Variants in PCDHGA1 observed in about 807,000 individuals in gnomAD.
PCDHGA1 encodes the protein protocadherin gamma subfamily A, 1, also known as protocadherin gamma-A1.
PCDHGA1 carries 32 observed loss-of-function variants against 58.0 expected under a neutral mutation model. That is an observed-to-expected ratio of 0.55 (90% CI 0.42 to 0.74). The LOEUF (loss-of-function observed/expected upper bound fraction) is 0.74. Ranked by LOEUF, PCDHGA1 falls within the 30% of genes least tolerant of loss-of-function variation. The pLI is 0.00. For missense variants in PCDHGA1, 1,205 were observed against 1,182.3 expected, an observed-to-expected ratio of 1.02 and a Z score of -0.28; for synonymous variants, 498 against 501.1, an observed-to-expected ratio of 0.99 and a Z score of 0.08.
chr5:141,414,855 C>G, intron 1 of PCDHGA1: 1 of 1,614,238 alleles, frequency 6.2e-7, no homozygotes, highest in South Asian at 1.1e-5. Flanking sequence ...TGGACCAGAA[C>G]GACAATGCGC....
chr5:141,398,135 G>C, intron 1 of PCDHGA1: 1 of 1,556,792 alleles, frequency 6.4e-7, no homozygotes, highest in Non-Finnish European at 8.6e-7. Context: ...GGGATGGGGA[G>C]CGGCGCCGGG....
At chr5:141,462,039 T>A (rs569871892) in intron 1 of PCDHGA1, among the ~76,000 whole-genome samples, 1 of 152,276 alleles carries the variant, frequency 6.6e-6, no homozygotes, top group Non-Finnish European at 1.5e-5. Flanking sequence ...GTCAGGCGGG[T>A]CTTGAACTCC....
intron 1 of PCDHGA1, chr5:141,345,756 G>T: frequency 1.9e-6 from 3 of 1,614,198 alleles, no homozygotes; most frequent in Non-Finnish European, 2.5e-6. Context: ...TTCCACTGGC[G>T]TGGAGCTGGC....
intron 1 of PCDHGA1, among the ~76,000 whole-genome samples, chr5:141,436,150 T>A (rs1270913305): frequency 6.6e-6 from 1 of 152,182 alleles, no homozygotes; most frequent in African/African-American, 2.4e-5. Flanking sequence ...ACTACCAAAA[T>A]GTTTATCATA....
At chr5:141,457,062 T>C (rs1168687034) in intron 1 of PCDHGA1, among the ~76,000 whole-genome samples, 1 of 152,232 alleles carries the variant, frequency 6.6e-6, no homozygotes, top group Non-Finnish European at 1.5e-5. Context: ...GCTTCCTTTT[T>C]GCCAGTAACT....
chr5:141,365,268 G>A (rs1329659479), intron 1 of PCDHGA1: 2 of 1,613,874 alleles, frequency 1.2e-6, no homozygotes, highest in Non-Finnish European at 1.7e-6. Flanking sequence ...GAAGAATCCA[G>A]ATTCTACCTC....
At chr5:141,350,088 T>G in intron 1 of PCDHGA1, 1 of 449,052 alleles carries the variant, frequency 2.2e-6, no homozygotes, top group East Asian at 3.4e-5. Flanking sequence ...TGCAGGAGCG[T>G]CAGGCAGGGT....
chr5:141,507,915 G>A (rs1324577269), intron 3 of PCDHGA1, among the ~76,000 whole-genome samples: 2 of 152,224 alleles, frequency 1.3e-5, no homozygotes, highest in African/African-American at 4.8e-5. Flanking sequence ...AGCCAGGCCT[G>A]TGGGGCTGCT....
intron 1 of PCDHGA1, chr5:141,418,643 C>A (rs188546091): frequency 2.9e-5 from 46 of 1,614,022 alleles, no homozygotes; most frequent in Admixed American, 6.7e-5. Context: ...CACCTCCATC[C>A]TGAGAGTGAA....
chr5:141,506,280 C>CT (rs1455257972), intron 3 of PCDHGA1, among the ~76,000 whole-genome samples: 1 of 152,024 alleles, frequency 6.6e-6, no homozygotes, highest in Non-Finnish European at 1.5e-5. Flanking sequence ...GAAACCCTGT[C>CT]TCTACTAAAA....
chr5:141,347,515 C>A, intron 1 of PCDHGA1, among the ~76,000 whole-genome samples: 1 of 151,990 alleles, frequency 6.6e-6, no homozygotes, highest in East Asian at 1.9e-4. Flanking sequence ...AGGCTGGGTG[C>A]AGTGGCTCAT....
In PCDHGA1 at chr5:141,502,866, C is replaced by CT. The variant is rs549047197; in HGVS notation, c.2481-2513dup. ...GAGCTGCCTAACCCTGACTCTCTGT[C>CT]TTTTTTTTTTTTTTGACAGGGAGTC... On this transcript the variant is annotated intron_variant, in intron 2 of 3. Transcript: ENST00000517417. Among the ~76,000 whole-genome samples, 1,216 of 127,988 alleles carry CT rather than the reference C, an allele frequency of 9.5e-3. 34 individuals are homozygous for CT. Among genetic ancestry groups the CT allele is most frequent in the Non-Finnish European group, 0.015 (955 of 62,394 alleles). The allele number at this position is 127,988 out of a possible 152,430, so 84.0% of individuals were successfully genotyped here.
At position 141,493,666 on chromosome 5, in the gene PCDHGA1, C is replaced by T. The variant is rs1475584876; in HGVS notation, c.2422-1141C>T. On this transcript the variant is annotated intron_variant, in intron 1 of 3. Transcript: ENST00000517417. The surrounding 1 kb of genome is among the most constrained non-coding windows in gnomAD (Gnocchi z 4.3). ...GCCATCCCTGTGCCCTTCTCCATGG[C>T]AGCCCCAGAATGGTGCTGGTGACTC... 6.6e-6 allele frequency among the ~76,000 whole-genome samples: 1 copy of T among 152,176 alleles called. No individual in the cohort carries two copies. The highest frequency in any genetic ancestry group is 1.5e-5 in the Non-Finnish European group (1 of 68,028).
chr5:141,372,340 G>A lies in PCDHGA1; in HGVS notation c.2421+39235G>A, dbSNP rs754973851. 4 of 1,613,790 alleles carry A rather than the reference G, an allele frequency of 2.5e-6. No individual in the cohort carries two copies. In the South Asian group the frequency reaches 4.4e-5, roughly 18 times the overall value. On this transcript the variant is annotated intron_variant, in intron 1 of 3. Transcript: ENST00000517417. ...CGCCTGCTGGTCACTGTGCGTGATG[G>A]AGGACAGCAGCCTCTTTCAGCCACC...
intron 1 of PCDHGA1, among the ~76,000 whole-genome samples, chr5:141,373,486 G>A (rs1769628161): frequency 1.3e-5 from 2 of 152,192 alleles, no homozygotes; most frequent in Non-Finnish European, 2.9e-5. Flanking sequence ...TTGTGCCCCT[G>A]CACTCTAGCC....
chr5:141,400,783 T>G (rs2094075214), intron 1 of PCDHGA1: 1 of 566,968 alleles, frequency 1.8e-6, no homozygotes, highest in African/African-American at 1.9e-5. Flanking sequence ...TGCGTTTTTT[T>G]GTCCTCTTTC....
intron 1 of PCDHGA1, among the ~76,000 whole-genome samples, chr5:141,437,614 A>G (rs113599071): frequency 3.1e-4 from 47 of 152,242 alleles, no homozygotes; most frequent in Non-Finnish European, 5.1e-4. Flanking sequence ...AATCTGCTTT[A>G]TCCCCATATA....
At chr5:141,415,477 C>T in intron 1 of PCDHGA1, 1 of 1,614,184 alleles carries the variant, frequency 6.2e-7, no homozygotes, top group Non-Finnish European at 8.5e-7. Flanking sequence ...CGCGGACTCG[C>T]GAAAGAGTCA....
rs1231591874 is a variant in PCDHGA1 at position 141,431,615 on chromosome 5, G to T, written c.2422-63192G>T. The T allele has an allele frequency of 3.1e-6, 5 of 1,614,118 alleles. No homozygotes were observed. Among genetic ancestry groups the T allele is most frequent in the African/African-American group, 2.7e-5 (2 of 74,950 alleles). On this transcript the variant is annotated intron_variant, in intron 1 of 3. Transcript: ENST00000517417. The surrounding 1 kb of genome is among the most constrained non-coding windows in gnomAD (Gnocchi z 4.8). Reference sequence around the variant, plus strand: ...GAGGTATTCCTTCCGGTATGTGGACGACAAGGCGGCCCAAGTTTTCAAACT... The same window carrying T: ...GAGGTATTCCTTCCGGTATGTGGACTACAAGGCGGCCCAAGTTTTCAAACT...
Sources: allele counts gnomAD v4.1 joint callset (sites outside exome capture counted in the v4.1 genomes callset), GRCh38; gene constraint gnomAD v4.1.1; non-coding constraint Gnocchi (gnomAD v3.1); transcripts MANE v1.5; gene names NCBI Gene and HGNC (gene_info 2026-07-23, HGNC 2026-07-21).